Variants in EVL observed in about 807,000 individuals in gnomAD.
EVL encodes the protein Enah/Vasp-like.
In EVL, 21 loss-of-function variants were observed where a neutral mutation model predicts 59.6. The ratio of observed to expected loss-of-function variants is 0.35; its 90% CI spans 0.25 to 0.51. The LOEUF (loss-of-function observed/expected upper bound fraction) is 0.51, where lower values mean the gene tolerates loss of function less well. Among genes scored for constraint, EVL ranks in the 20% least tolerant of loss-of-function variants. The pLI is 0.97. For missense variants in EVL, 462 were observed against 546.6 expected (o/e 0.85, Z 1.54); for synonymous variants, 198 against 203.5 (o/e 0.97, Z 0.23).
chr14:100,086,124 GAA>G (rs34151646), intron 2 of EVL, among the ~76,000 whole-genome samples: 3 of 152,138 alleles, frequency 2.0e-5, no homozygotes, highest in Admixed American at 6.5e-5. Flanking sequence ...GCGAGACTCC[GAA>G]AAGATAGTCT....
At chr14:100,070,062 T>TTAA (rs746598753) in intron 1 of EVL, among the ~76,000 whole-genome samples, 7 of 122,386 alleles carry the variant, frequency 5.7e-5, no homozygotes, top group African/African-American at 2.1e-4. Context: ...CCTCCTCTCT[T>TTAA]AAAAAAAAAA....
At chr14:100,043,245 GTA>G (rs996256790) in intron 1 of EVL, among the ~76,000 whole-genome samples, 6 of 150,438 alleles carry the variant, frequency 4.0e-5, no homozygotes, top group African/African-American at 1.2e-4. Context: ...GTGTGTGTGT[GTA>G]TATATATATG....
chr14:100,023,375 T>A (rs2061159982), intron 1 of EVL, among the ~76,000 whole-genome samples: 2 of 142,894 alleles, frequency 1.4e-5, no homozygotes, highest in African/African-American at 5.2e-5. Context: ...CGGCTAATTT[T>A]TTTTTTTTTT....
intron 1 of EVL, among the ~76,000 whole-genome samples, chr14:100,026,432 G>T (rs1273784672): frequency 6.9e-6 from 1 of 145,966 alleles, no homozygotes; most frequent in African/African-American, 2.5e-5. Flanking sequence ...GATACTATGT[G>T]CCTGAAATGC....
At chr14:100,017,655 A>G (rs975257566) in intron 1 of EVL, among the ~76,000 whole-genome samples, 6 of 152,222 alleles carry the variant, frequency 3.9e-5, no homozygotes, top group African/African-American at 1.4e-4. Context: ...CAGATCTGGG[A>G]CTTAAAACTG....
Position 100,126,711 on chromosome 14 carries a change from G to A in EVL, c.427G>A (p.Val143Met), listed in dbSNP as rs751732289. Residue 143 changes from valine to methionine, a missense_variant, in exon 5 of 14, where the codon GTG (valine) becomes ATG (methionine). Transcript: ENST00000392920. The part of the protein sequence containing the change: ...PDEMDIQRRQ[V>M]MEQHQQQRQE... ...CCTGCTGTGATTACTTTCCAGACAA[G>A]TGATGGAGCAGCACCAGCAGCAGCG... 6.2e-7 allele frequency: 1 copy of A among 1,614,120 alleles called. No homozygotes were observed. The highest frequency in any genetic ancestry group is 2.2e-5 in the East Asian group (1 of 44,888).
intron 8 of EVL, 152 bp from the exon 9 acceptor site, chr14:100,135,753 C>A: frequency 1.4e-6 from 1 of 728,260 alleles, no homozygotes; most frequent in Non-Finnish European, 2.3e-6. Flanking sequence ...TTTGCGTTTT[C>A]ACTTTTAAAT....
At chr14:100,071,113 CCAAGGA>C (rs1225741102) in intron 1 of EVL, among the ~76,000 whole-genome samples, 1 of 152,048 alleles carries the variant, frequency 6.6e-6, no homozygotes, top group African/African-American at 2.4e-5. Context: ...AGGGTGACAT[CCAAGGA>C]GAAAAGGCAA....
intron 1 of EVL, among the ~76,000 whole-genome samples, chr14:100,003,858 C>T (rs574275407): frequency 2.4e-4 from 36 of 152,186 alleles, no homozygotes; most frequent in African/African-American, 8.7e-4. Context: ...AAGAAGAGAC[C>T]TTCTGCAGTG....
rs57176151 is a variant in EVL, at chr14:100,103,188, GT to G, written c.358+5545del. Among the ~76,000 whole-genome samples, 317 of 134,538 alleles carry G rather than the reference GT, an allele frequency of 2.4e-3. 5 individuals carry two copies. In the East Asian group the frequency reaches 0.027, roughly 11 times the overall value. The allele number at this position is 134,538 out of a possible 152,430, so 88.3% of individuals were successfully genotyped here. A position where few individuals can be genotyped will look rare whatever the true frequency, so the allele number is the denominator to read the frequency against. ...TTGTCATTTTATATTTTCCCAGAGA[GT>G]TTTTTTTTTTTTTTGAAGGAAAAGG... On this transcript the variant is annotated intron_variant, in intron 3 of 13. Coordinates refer to ENST00000392920, the MANE Select transcript of EVL (RefSeq NM_016337.3).
chr14:100,029,749 A>T (rs2061279530), intron 1 of EVL, among the ~76,000 whole-genome samples: 2 of 152,130 alleles, frequency 1.3e-5, no homozygotes, highest in South Asian at 4.1e-4. Flanking sequence ...GAGCTGAGGT[A>T]TAGGAACAGG....
At chr14:99,995,335 T>G (rs1375719092) in intron 1 of EVL, among the ~76,000 whole-genome samples, 1 of 152,198 alleles carries the variant, frequency 6.6e-6, no homozygotes, top group African/African-American at 2.4e-5. Flanking sequence ...CTTTTTTCGT[T>G]TTATCCCTCT....
intron 13 of EVL, among the ~76,000 whole-genome samples, chr14:100,143,192 C>A (rs1436800771): frequency 1.3e-5 from 2 of 152,076 alleles, no homozygotes; most frequent in African/African-American, 2.4e-5. Context: ...GAGGACCCTG[C>A]CTCTCCTGAG....
At position 100,110,794 on chromosome 14, in the gene EVL, A is replaced by AC. The variant is rs529107777; in HGVS notation, c.359-12743dup. Among the ~76,000 whole-genome samples the AC allele has an allele frequency of 3.9e-4, 60 of 152,330 alleles. No homozygotes were observed. The East Asian group carries it at 0.011, about 27-fold the overall frequency. On this transcript the variant is annotated intron_variant, in intron 3 of 13. Coordinates refer to ENST00000392920, the MANE Select transcript of EVL (RefSeq NM_016337.3). ...TAGAGAAGAGAGGTCTCCTCCTTCCACCAGTCCCAGGATTATCTCCCTAAC... is the reference window on the plus strand; with the variant it reads ...TAGAGAAGAGAGGTCTCCTCCTTCCACCCAGTCCCAGGATTATCTCCCTAAC...
chr14:100,084,966 G>A (rs192065927), intron 2 of EVL, 111 bp downstream of exon 2: 18 of 1,174,946 alleles, frequency 1.5e-5, no homozygotes, highest in East Asian at 4.9e-5. Context: ...GTCAATATTC[G>A]GAATCAGAGG....
At chr14:100,032,524 A>G (rs1194403476) in intron 1 of EVL, among the ~76,000 whole-genome samples, 1 of 152,194 alleles carries the variant, frequency 6.6e-6, no homozygotes, top group Non-Finnish European at 1.5e-5. Flanking sequence ...GTCCATTGCC[A>G]GGACGGCTTT....
chr14:100,099,179 C>CAAAAAAAA (rs57154685), intron 3 of EVL, among the ~76,000 whole-genome samples: 13 of 51,198 alleles, frequency 2.5e-4, no homozygotes, highest in Non-Finnish European at 2.9e-4. Context: ...CCTGTCTCTA[C>CAAAAAAAA]AAAAAAAAAA....
intron 2 of EVL, 84 bp from the exon 3 acceptor site, chr14:100,097,397 C>T: frequency 8.2e-7 from 1 of 1,223,138 alleles, no homozygotes. Flanking sequence ...CTCAAGGATA[C>T]AGTATACTTG....
chr14:100,058,263 A>G (rs1365491116), intron 1 of EVL, among the ~76,000 whole-genome samples: 3 of 152,344 alleles, frequency 2.0e-5, no homozygotes, highest in South Asian at 2.1e-4. Context: ...TTTTAATTCA[A>G]GTCAACACAG....
Sources: allele counts gnomAD v4.1 joint callset (sites outside exome capture counted in the v4.1 genomes callset), GRCh38; gene constraint gnomAD v4.1.1; transcripts MANE v1.5; gene names NCBI Gene and HGNC (gene_info 2026-07-23, HGNC 2026-07-21).